Variants in ATF1 observed in about 807,000 individuals in gnomAD.
The protein encoded by ATF1 is cyclic AMP-dependent transcription factor ATF-1.
In ATF1, 16 loss-of-function variants were observed where a neutral mutation model predicts 34.7. The observed-to-expected ratio is 0.46, with a 90% CI of 0.31 to 0.70. ATF1 has a LOEUF of 0.70. Among genes scored for constraint, ATF1 ranks in the 30% least tolerant of loss-of-function variants. ATF1 has a pLI of 0.05. For synonymous variants in ATF1, 105 were observed against 113.1 expected (o/e 0.93, Z 0.46); for missense variants, 255 against 321.6 (o/e 0.79, Z 1.58).
intron 1 of ATF1, among the ~76,000 whole-genome samples, chr12:50,771,159 C>G (rs541452776): frequency 7.2e-5 from 11 of 152,254 alleles, no homozygotes; most frequent in African/African-American, 2.6e-4. Context: ...GCACACATCA[C>G]AACGCCCAGC....
intron 2 of ATF1, among the ~76,000 whole-genome samples, chr12:50,781,033 AAAG>A (rs1351184162): frequency 1.3e-5 from 2 of 152,172 alleles, no homozygotes; most frequent in Non-Finnish European, 2.9e-5. Flanking sequence ...AAATATAAGA[AAAG>A]AAGGTGGACT....
chr12:50,817,893 C>T (rs917441765), intron 6 of ATF1, among the ~76,000 whole-genome samples: 1 of 152,086 alleles, frequency 6.6e-6, no homozygotes, highest in South Asian at 2.1e-4. Flanking sequence ...TTTTGTCAGC[C>T]GCTAGACTGA....
chr12:50,795,843 G>A (rs967953683), intron 2 of ATF1, 66 bp from the exon 3 acceptor site: 11 of 1,273,938 alleles, frequency 8.6e-6, no homozygotes, highest in East Asian at 2.4e-5. Context: ...TTTTCTAAAA[G>A]TAAAAATTCA....
intron 2 of ATF1, among the ~76,000 whole-genome samples, chr12:50,795,202 T>C (rs937566645): frequency 6.6e-6 from 1 of 152,192 alleles, no homozygotes; most frequent in African/African-American, 2.4e-5. Context: ...GTAAACAGCA[T>C]TGGACATGGT....
chr12:50,819,319 G>GA (rs1350788440), intron 6 of ATF1, among the ~76,000 whole-genome samples: 3 of 152,118 alleles, frequency 2.0e-5, no homozygotes, highest in African/African-American at 7.2e-5. Context: ...TGAGGTTCTA[G>GA]AATAGGAAAA....
At chr12:50,774,431 T>C (rs1210703692) in intron 1 of ATF1, among the ~76,000 whole-genome samples, 2 of 152,206 alleles carry the variant, frequency 1.3e-5, no homozygotes, top group East Asian at 1.9e-4. Context: ...TTCCCATTGA[T>C]GGTGCTTTTG....
At chr12:50,782,414 C>G (rs1319019484) in intron 2 of ATF1, among the ~76,000 whole-genome samples, 2 of 151,420 alleles carry the variant, frequency 1.3e-5, no homozygotes, top group Non-Finnish European at 2.9e-5. Flanking sequence ...CGCCACCACG[C>G]CCGGCTAATT....
At chr12:50,777,540 G>A (rs968515392) in intron 1 of ATF1, among the ~76,000 whole-genome samples, 1 of 152,086 alleles carries the variant, frequency 6.6e-6, no homozygotes, top group African/African-American at 2.4e-5. Flanking sequence ...TTGGGAGGCC[G>A]AGGCAGACAG....
intron 2 of ATF1, among the ~76,000 whole-genome samples, chr12:50,780,755 G>A (rs1208939814): frequency 6.6e-6 from 1 of 152,028 alleles, no homozygotes; most frequent in East Asian, 1.9e-4. Context: ...GAGGTCAAGA[G>A]TTCAAGACTA....
At chr12:50,786,459 C>T (rs994877384) in intron 2 of ATF1, among the ~76,000 whole-genome samples, 5 of 152,036 alleles carry the variant, frequency 3.3e-5, no homozygotes, top group Non-Finnish European at 7.4e-5. Context: ...CAGTTCATAC[C>T]CTCTTGTAGG....
At chr12:50,775,106 G>T (rs116680208) in intron 1 of ATF1, among the ~76,000 whole-genome samples, 61 of 142,238 alleles carry the variant, frequency 4.3e-4, no homozygotes, top group African/African-American at 1.5e-3. Context: ...GTTATCTTTT[G>T]TTTTTTTTTT....
intron 6 of ATF1, among the ~76,000 whole-genome samples, chr12:50,817,103 C>A (rs550027172): frequency 6.6e-6 from 1 of 152,178 alleles, no homozygotes; most frequent in African/African-American, 2.4e-5. Flanking sequence ...GAAATTAGGC[C>A]TTATCTTGTA....
At position 50,794,944 on chromosome 12, in the gene ATF1, A is replaced by T. The variant is rs144033059; in HGVS notation, c.94-965A>T. Among the ~76,000 whole-genome samples, 120 of 151,796 alleles carry T rather than the reference A, an allele frequency of 7.9e-4. 1 individual carries two copies. Among genetic ancestry groups the T allele is most frequent in the Middle Eastern group, 3.4e-3 (1 of 292 alleles). ...AAAAATAAAAAAATTAAAAATATTT[A>T]AAAAAAAATTGAAAACAACTTGTTT... On this transcript the variant is annotated intron_variant, in intron 2 of 6. Coordinates refer to ENST00000262053, the MANE Select transcript of ATF1 (RefSeq NM_005171.5).
intron 2 of ATF1, among the ~76,000 whole-genome samples, chr12:50,787,215 A>G (rs1317279117): frequency 6.6e-6 from 1 of 152,200 alleles, no homozygotes; most frequent in Non-Finnish European, 1.5e-5. Flanking sequence ...AAAAATTATA[A>G]AACACATACC....
At chr12:50,807,378 T>C (rs1401771764) in intron 3 of ATF1, among the ~76,000 whole-genome samples, 2 of 152,038 alleles carry the variant, frequency 1.3e-5, no homozygotes, top group East Asian at 3.8e-4. Flanking sequence ...TACTCCAGCC[T>C]GGGCAACAGA....
At chr12:50,767,052 C>A (rs1940654093) in intron 1 of ATF1, among the ~76,000 whole-genome samples, 1 of 152,120 alleles carries the variant, frequency 6.6e-6, no homozygotes, top group Non-Finnish European at 1.5e-5. Flanking sequence ...CATAATTTTC[C>A]TTTATGATAC....
rs2139704671 is a variant in ATF1, at chr12:50,820,160, T to TTTTAG, written c.*384_*388dup. 4.3e-6 allele frequency: 1 copy of TTTTAG among 231,178 alleles called. No individual in the cohort carries two copies. Among genetic ancestry groups the TTTTAG allele is most frequent in the East Asian group, 6.9e-5 (1 of 14,514 alleles). 14.3% of individuals were successfully genotyped at this position (231,178 alleles called of 1,614,324 possible). The stretch of plus-strand genomic sequence containing the variant: ...CATTTGTTTGCTGAAATTTACCTTT[T>TTTTAG]TTTAGTTATATATATGTGTGTGTGT... On this transcript the variant is annotated 3_prime_UTR_variant, in exon 7 of 7. Transcript: ENST00000262053.
At chr12:50,769,877 TTAGAA>T (rs1482525277) in intron 1 of ATF1, among the ~76,000 whole-genome samples, 2 of 152,190 alleles carry the variant, frequency 1.3e-5, no homozygotes, top group Admixed American at 1.3e-4. Context: ...AATTGTAACA[TTAGAA>T]TAGAGGAAAC....
chr12:50,792,253 T>C (rs2139666313), intron 2 of ATF1, among the ~76,000 whole-genome samples: 1 of 152,344 alleles, frequency 6.6e-6, no homozygotes, highest in South Asian at 2.1e-4. Flanking sequence ...TAGTTCAGCC[T>C]CTGGTCAATA....
Sources: allele counts gnomAD v4.1 joint callset (sites outside exome capture counted in the v4.1 genomes callset), GRCh38; gene constraint gnomAD v4.1.1; transcripts MANE v1.5; gene names NCBI Gene and HGNC (gene_info 2026-07-23, HGNC 2026-07-21).